USP25: variants seen among roughly 807,000 people sequenced by gnomAD.
USP25 encodes the protein ubiquitin carboxyl-terminal hydrolase 25.
USP25 carries 85 observed loss-of-function variants against 158.5 expected under a neutral mutation model. That is an observed-to-expected ratio of 0.54 (90% CI 0.45 to 0.64). USP25 has a LOEUF of 0.64. Among genes scored for constraint, USP25 ranks in the 30% least tolerant of loss-of-function variants. The pLI is 0.00. For synonymous variants in USP25, 464 were observed against 460.4 expected (o/e 1.01, Z -0.10); for missense variants, 1,242 against 1,327.3 (o/e 0.94, Z 1.00).
intron 9 of USP25, among the ~76,000 whole-genome samples, chr21:15,817,735 A>C (rs1182857639): frequency 1.3e-5 from 2 of 152,068 alleles, no homozygotes; most frequent in Non-Finnish European, 2.9e-5. Context: ...AAACCATCAC[A>C]TCTCATGAGG....
intron 3 of USP25, among the ~76,000 whole-genome samples, chr21:15,770,324 C>T (rs1253731308): frequency 1.3e-5 from 2 of 152,084 alleles, no homozygotes; most frequent in Admixed American, 6.5e-5. Flanking sequence ...TTAGTTCCAA[C>T]TGATGGGTGC....
intron 1 of USP25, among the ~76,000 whole-genome samples, chr21:15,741,147 C>T (rs964783016): frequency 8.6e-5 from 13 of 150,692 alleles, no homozygotes; most frequent in Non-Finnish European, 1.6e-4. Context: ...TTTTTTTTCT[C>T]GCATCTGACT....
intron 23 of USP25, among the ~76,000 whole-genome samples, chr21:15,870,867 A>G (rs1484482701): frequency 1.3e-5 from 2 of 152,232 alleles, no homozygotes; most frequent in Admixed American, 6.5e-5. Flanking sequence ...CTTTTTCAAA[A>G]AAAGAAACAA....
At position 15,750,185 on chromosome 21, in the gene USP25, T is replaced by A. The variant is rs1600803284; in HGVS notation, c.46-12706T>A. Reference sequence around the variant, plus strand: ...CTTTAATGAAATCTCCAGTGCCGTGTGTGTGTGTGTGTGTGTGTGTGTGTG... The same window carrying A: ...CTTTAATGAAATCTCCAGTGCCGTGAGTGTGTGTGTGTGTGTGTGTGTGTG... On this transcript the variant is annotated intron_variant, in intron 1 of 25. Transcript: ENST00000400183. 2.4e-5 allele frequency among the ~76,000 whole-genome samples: 3 copies of A among 123,368 alleles called. No homozygotes were observed. The East Asian group carries it at 7.2e-4, about 30-fold the overall frequency. 80.9% of individuals were successfully genotyped at this position (123,368 alleles called of 152,430 possible). A position where few individuals can be genotyped will look rare whatever the true frequency, so the allele number is the denominator to read the frequency against.
At chr21:15,832,498 C>T (rs2037852500) in intron 16 of USP25, among the ~76,000 whole-genome samples, 1 of 151,992 alleles carries the variant, frequency 6.6e-6, no homozygotes, top group Non-Finnish European at 1.5e-5. Context: ...CTTCTGAATA[C>T]TCTATTGTTT....
intron 1 of USP25, among the ~76,000 whole-genome samples, chr21:15,731,183 A>G (rs2030852994): frequency 6.6e-6 from 1 of 152,062 alleles, no homozygotes; most frequent in African/African-American, 2.4e-5. Context: ...TTATATCTTT[A>G]AAGTGAATAG....
intron 1 of USP25, among the ~76,000 whole-genome samples, chr21:15,738,713 A>G (rs1044054666): frequency 2.0e-5 from 3 of 152,140 alleles, no homozygotes; most frequent in Non-Finnish European, 2.9e-5. Context: ...CTTATGCCCA[A>G]TTTCTGCCCT....
chr21:15,877,031 C>T (rs1251221107), intron 24 of USP25: 1 of 151,900 alleles, frequency 6.6e-6, no homozygotes, highest in African/African-American at 2.4e-5. Flanking sequence ...GGCTTGTGCT[C>T]CACCTACCAC....
At chr21:15,870,833 G>C (rs764386334) in intron 23 of USP25, among the ~76,000 whole-genome samples, 1 of 152,088 alleles carries the variant, frequency 6.6e-6, no homozygotes, top group Non-Finnish European at 1.5e-5. Context: ...AATTTAAGAA[G>C]CTCCCACTTA....
At chr21:15,740,682 G>A (rs973795911) in intron 1 of USP25, among the ~76,000 whole-genome samples, 8 of 101,134 alleles carry the variant, frequency 7.9e-5, no homozygotes, top group Non-Finnish European at 1.2e-4. Flanking sequence ...TTTGGTATGT[G>A]CGTGTGTATT....
chr21:15,877,822 C>G lies in USP25; in HGVS notation c.3036C>G (p.Leu1012=), dbSNP rs1349232480. 1 of 1,611,518 alleles carries G rather than the reference C, an allele frequency of 6.2e-7. No individual in the cohort carries two copies. Among genetic ancestry groups the G allele is most frequent in the East Asian group, 2.2e-5 (1 of 44,790 alleles). The part of the protein sequence containing the change: ...LLKLNEQAAE[L]FESGEDREVN... ...AATTAAATGAGCAAGCCGCAGAACTCTTCGAATCTGGAGAGGATCGAGAAG... is the reference window on the plus strand; with the variant it reads ...AATTAAATGAGCAAGCCGCAGAACTGTTCGAATCTGGAGAGGATCGAGAAG... The change falls in exon 25 of 26, where the codon CTC becomes CTG. Residue 1012 remains leucine (L), a synonymous_variant. Transcript: ENST00000400183.
At chr21:15,853,821 C>G (rs920460840) in intron 20 of USP25, among the ~76,000 whole-genome samples, 1 of 151,966 alleles carries the variant, frequency 6.6e-6, no homozygotes, top group South Asian at 2.1e-4. Flanking sequence ...ACCGTGTTAG[C>G]GTTGGAATGA....
intron 22 of USP25, among the ~76,000 whole-genome samples, chr21:15,867,110 C>T (rs575472805): frequency 6.6e-6 from 1 of 152,002 alleles, no homozygotes; most frequent in Admixed American, 6.6e-5. Flanking sequence ...TTTTTGTGCA[C>T]AAAATTATTT....
At position 15,811,286 on chromosome 21, in the gene USP25, T is replaced by A. The variant is rs192730727; in HGVS notation, c.931+76T>A. The A allele has an allele frequency of 3.2e-4, 423 of 1,318,538 alleles. 1 individual carries two copies. Among genetic ancestry groups the A allele is most frequent in the Admixed American group, 2.8e-3 (128 of 45,222 alleles). 81.7% of individuals were successfully genotyped at this position (1,318,538 alleles called of 1,614,324 possible). On this transcript the variant is annotated intron_variant, in intron 9 of 25. Transcript: ENST00000400183. Reference sequence around the variant, plus strand: ...ATTCATTCGTCTCGATAGTTACTATTTTTTTAGTGGACTTTATTTTTAATT... The same window carrying A: ...ATTCATTCGTCTCGATAGTTACTATATTTTTAGTGGACTTTATTTTTAATT...
chr21:15,775,380 T>C (rs1290439166), intron 3 of USP25, among the ~76,000 whole-genome samples: 1 of 152,178 alleles, frequency 6.6e-6, no homozygotes, highest in African/African-American at 2.4e-5. Context: ...CTGGAAGGAC[T>C]GGAGGAAAGC....
Position 15,864,376 on chromosome 21 carries a change from G to A in USP25, c.2656G>A (p.Ala886Thr), listed in dbSNP as rs762451323. The A allele has an allele frequency of 1.9e-6, 3 of 1,612,574 alleles. No individual in the cohort carries two copies. Among genetic ancestry groups the A allele is most frequent in the Non-Finnish European group, 1.7e-6 (2 of 1,179,598 alleles). ...AGTGGTCTACTTTATCCAGAACCAG[G>A]CACCAAAGAAAATTATTGAGAAAAC... is the stretch of plus-strand genomic sequence containing the variant. Reference protein sequence around the residue: ...HVVVYFIQNQAPKKIIEKTLL... With the variant: ...HVVVYFIQNQTPKKIIEKTLL... Residue 886 changes from alanine to threonine, a missense_variant, in exon 21 of 26, where the codon GCA becomes ACA. Ala to Thr is a moderately conservative substitution (Grantham distance 58). This residue lies in a region of USP25 where 608 missense variants were observed against 605.2 expected (regional missense o/e 1.00). Coordinates refer to ENST00000400183, the MANE Select transcript of USP25 (RefSeq NM_001283041.3).
At chr21:15,732,981 G>A (rs2031083562) in intron 1 of USP25, among the ~76,000 whole-genome samples, 1 of 152,140 alleles carries the variant, frequency 6.6e-6, no homozygotes, top group Non-Finnish European at 1.5e-5. Context: ...GTGAGGTGCA[G>A]TTGGCAGCAG....
intron 4 of USP25, among the ~76,000 whole-genome samples, chr21:15,785,680 A>G (rs2035231699): frequency 6.6e-6 from 1 of 152,192 alleles, no homozygotes; most frequent in Admixed American, 6.5e-5. Context: ...CTAGAAGTTC[A>G]TGGCAATAAA....
rs746677261 is a variant in USP25, at chr21:15,818,695, T to C, written c.932-3T>C. The stretch of plus-strand genomic sequence containing the variant: ...GTATTATTAATTTTCTCCCTTCTTA[T>C]AGGTAAAAAATTTGAAAACACTGAA... On this transcript the variant is annotated splice_region_variant and splice_polypyrimidine_tract_variant and intron_variant, in intron 9 of 25. Transcript: ENST00000400183. The C allele has an allele frequency of 2.4e-5, 39 of 1,602,724 alleles. No homozygotes were observed. Among genetic ancestry groups the C allele is most frequent in the Non-Finnish European group, 3.1e-5 (36 of 1,173,988 alleles).
Sources: allele counts gnomAD v4.1 joint callset (sites outside exome capture counted in the v4.1 genomes callset), GRCh38; gene constraint gnomAD v4.1.1; regional missense constraint gnomAD v4.1.1; transcripts MANE v1.5; gene names NCBI Gene and HGNC (gene_info 2026-07-23, HGNC 2026-07-21).